Variants in COL4A6 observed in about 807,000 individuals in gnomAD.
COL4A6 encodes collagen type IV alpha 6 chain, also known as collagen alpha-6(IV) chain.
A neutral mutation model predicts 126.7 loss-of-function variants in COL4A6; 59 were observed. The observed-to-expected ratio is 0.47, with a 90% CI of 0.38 to 0.58. COL4A6 has a LOEUF of 0.58. COL4A6 is among the 20% of genes least tolerant of loss of function. The pLI, the probability that COL4A6 is intolerant of heterozygous loss-of-function variation, is 0.00. For synonymous variants in COL4A6, 547 were observed against 496.6 expected (o/e 1.10, Z -1.35); for missense variants, 1,285 against 1,337.3 (o/e 0.96, Z 0.61).
intron 3 of COL4A6, among the ~76,000 whole-genome samples, chrX:108,253,250 A>G (rs1006726011): frequency 2.7e-5 from 3 of 111,990 alleles, no homozygotes; most frequent in Non-Finnish European, 5.7e-5. Flanking sequence ...TAAAAAAACC[A>G]TAGAGACTCC....
rs370555492 is a variant in COL4A6, at chrX:108,214,212, G to T, written c.341C>A (p.Pro114Gln). The change falls in exon 6 of 45, where the codon CCA (proline) becomes CAA (glutamine). Residue 114 changes from proline to glutamine, a missense_variant. Pro to Gln is a moderately conservative substitution (Grantham distance 76, BLOSUM62 -1). Coordinates refer to ENST00000334504, the MANE Select transcript of COL4A6 (RefSeq NM_033641.4). ...INGIPGHPGQ[P>Q]GPRGPPGLDG... ...CAGACCAGGTGGGCCTCTGGGGCCTGGTTGTCCAGGGTGGCCCTGTTCAAA... is the reference window on the plus strand; with the variant it reads ...CAGACCAGGTGGGCCTCTGGGGCCTTGTTGTCCAGGGTGGCCCTGTTCAAA... The T allele has an allele frequency of 1.3e-5, 16 of 1,199,291 alleles. No individual in the cohort carries two copies. The highest frequency in any genetic ancestry group is 1.8e-5 in the Non-Finnish European group (16 of 888,098).
upstream of COL4A6, among the ~76,000 whole-genome samples, chrX:108,439,114 T>G (rs1005392102): frequency 1.8e-5 from 2 of 111,875 alleles, no homozygotes; most frequent in African/African-American, 6.5e-5. Context: ...AACACTGCAC[T>G]AAATTTATTT....
At chrX:108,184,918 G>A (rs995236518) in intron 23 of COL4A6, among the ~76,000 whole-genome samples, 2 of 112,113 alleles carry the variant, frequency 1.8e-5, no homozygotes, top group African/African-American at 6.5e-5. Flanking sequence ...AAGTTTATAG[G>A]TGTCATGTTA....
At chrX:108,372,137 G>A (rs1389410216) in intron 2 of COL4A6, among the ~76,000 whole-genome samples, 1 of 110,988 alleles carries the variant, frequency 9.0e-6, no homozygotes, top group Non-Finnish European at 1.9e-5. Context: ...TTTTCTCACT[G>A]GGGAAGGCCG....
chrX:108,384,109 A>T (rs746547377), intron 2 of COL4A6: 2 of 279,725 alleles, frequency 7.1e-6, no homozygotes, highest in African/African-American at 5.7e-5. Flanking sequence ...TCATCTACCC[A>T]TTTATCCATT....
At chrX:108,383,368 G>C in intron 2 of COL4A6, 1 of 417,261 alleles carries the variant, frequency 2.4e-6, no homozygotes, top group Non-Finnish European at 4.5e-6. Context: ...TAGCAACAGA[G>C]CACCAAGCTA....
At chrX:108,242,031 A>G (rs2036587776) in intron 3 of COL4A6, among the ~76,000 whole-genome samples, 1 of 101,840 alleles carries the variant, frequency 9.8e-6, no homozygotes, top group African/African-American at 3.6e-5. Flanking sequence ...ATGCCAGTAC[A>G]TTGCCCAGGC....
At chrX:108,268,091 C>T (rs1244782766) in intron 3 of COL4A6, 2 of 111,788 alleles carry the variant, frequency 1.8e-5, no homozygotes, top group African/African-American at 6.5e-5. Flanking sequence ...AACTTACCTG[C>T]CCATGAGCTT....
At chrX:108,307,003 C>T (rs968097514) in intron 3 of COL4A6, among the ~76,000 whole-genome samples, 1 of 108,884 alleles carries the variant, frequency 9.2e-6, no homozygotes, top group Non-Finnish European at 1.9e-5. Context: ...CAGACAAACA[C>T]ACACTGATGG....
At chrX:108,270,194 T>C (rs1189430092) in intron 3 of COL4A6, among the ~76,000 whole-genome samples, 2 of 112,313 alleles carry the variant, frequency 1.8e-5, no homozygotes, top group African/African-American at 6.5e-5. Context: ...CCCTTCTAAG[T>C]GTGGCAAATT....
At chrX:108,237,280 T>C (rs1450008599) in intron 3 of COL4A6, among the ~76,000 whole-genome samples, 2 of 111,456 alleles carry the variant, frequency 1.8e-5, no homozygotes, top group Non-Finnish European at 3.8e-5. Context: ...CACTCCATAT[T>C]ACTTTCAAAA....
At chrX:108,437,103 GT>G (rs1429119076) in intron 2 of COL4A6, among the ~76,000 whole-genome samples, 4 of 111,784 alleles carry the variant, frequency 3.6e-5, no homozygotes, top group African/African-American at 6.5e-5. Flanking sequence ...AAACTCAACA[GT>G]TTTTATTTCT....
At chrX:108,396,711 A>G (rs1416617246) in intron 2 of COL4A6, among the ~76,000 whole-genome samples, 1 of 111,644 alleles carries the variant, frequency 9.0e-6, no homozygotes, top group Admixed American at 9.6e-5. Flanking sequence ...AAGATTTATA[A>G]AATGATGTCA....
chrX:108,362,091 A>AAG (rs961470171), intron 2 of COL4A6, among the ~76,000 whole-genome samples: 25 of 108,790 alleles, frequency 2.3e-4, no homozygotes, highest in Admixed American at 6.9e-4. Flanking sequence ...GAGAGAGAGA[A>AAG]AGAGAGAGAG....
intron 2 of COL4A6, among the ~76,000 whole-genome samples, chrX:108,386,662 G>C (rs1250805847): frequency 1.8e-5 from 2 of 111,562 alleles, no homozygotes; most frequent in Admixed American, 1.9e-4. Context: ...CCATTCTGTA[G>C]GTTGCCTGGT....
intron 2 of COL4A6, among the ~76,000 whole-genome samples, chrX:108,325,330 T>C (rs1259334971): frequency 8.9e-6 from 1 of 112,151 alleles, no homozygotes; most frequent in African/African-American, 3.2e-5. Flanking sequence ...GCAAAACTAA[T>C]TTTTAAAAGC....
chrX:108,255,021 A>G (rs1463354526), intron 3 of COL4A6, among the ~76,000 whole-genome samples: 1 of 108,759 alleles, frequency 9.2e-6, no homozygotes, highest in Non-Finnish European at 1.9e-5. Flanking sequence ...GGAAAAAGTG[A>G]ACTCTGCCCA....
At chrX:108,231,776 A>G (rs2036313078) in intron 3 of COL4A6, among the ~76,000 whole-genome samples, 1 of 112,302 alleles carries the variant, frequency 8.9e-6, no homozygotes, top group African/African-American at 3.2e-5. Flanking sequence ...TACCAAAGCA[A>G]TTTATCTCAA....
intron 2 of COL4A6, among the ~76,000 whole-genome samples, chrX:108,350,010 G>T (rs1245843664): frequency 9.0e-6 from 1 of 111,646 alleles, no homozygotes; most frequent in Non-Finnish European, 1.9e-5. Context: ...AGGATCTACA[G>T]CTAATAATTG....
Sources: gnomAD v4.1 joint callset for allele counts (sites outside exome capture counted in the v4.1 genomes callset) on GRCh38, gnomAD v4.1.1 for gene constraint, MANE v1.5 for transcripts, NCBI Gene and HGNC (gene_info 2026-07-23, HGNC 2026-07-21) for gene names.